The following HAL variants were observed in gnomAD, a reference collection of about 807,000 sequenced individuals.
The protein encoded by HAL is histidine ammonia-lyase.
Under a neutral mutation model 81.1 loss-of-function variants are expected in HAL, and 85 were observed. The ratio of observed to expected loss-of-function variants is 1.05; its 90% CI spans 0.88 to 1.25. The LOEUF (loss-of-function observed/expected upper bound fraction) is 1.25, where lower values mean the gene tolerates loss of function less well. Among genes scored for constraint, HAL ranks in the 50% most tolerant of loss-of-function variants. The probability of loss-of-function intolerance (pLI) is 0.00; values close to 1 mark genes in which losing one functional copy is unlikely to be tolerated. For synonymous variants in HAL, 301 were observed against 309.2 expected (o/e 0.97, Z 0.28); for missense variants, 798 against 836.6 (o/e 0.95, Z 0.57).
chr12:95,992,815 A>G lies in HAL; in HGVS notation c.590-10T>C, dbSNP rs1428040420. 2.5e-6 allele frequency: 4 copies of G among 1,612,060 alleles called. No homozygotes were observed. The highest frequency in any genetic ancestry group is 3.4e-6 in the Non-Finnish European group (4 of 1,178,438). ...AGTGGTTTCCCAACACCTGCAAAAC[A>G]GAATTGATGTTTTCTCCAAGAAAAG... On this transcript the variant is annotated splice_polypyrimidine_tract_variant and intron_variant, in intron 8 of 20. Transcript: ENST00000261208.
intron 10 of HAL, among the ~76,000 whole-genome samples, chr12:95,989,396 G>C (rs1051796885): frequency 6.6e-6 from 1 of 152,304 alleles, no homozygotes; most frequent in South Asian, 2.1e-4. Flanking sequence ...TGCCCAGGCT[G>C]GTCTTGAACT....
intron 20 of HAL, 121 bp from the exon 21 acceptor site, chr12:95,974,493 T>G: frequency 1.1e-6 from 1 of 874,594 alleles, no homozygotes; most frequent in Admixed American, 1.8e-5. Flanking sequence ...AGCTGCTGTT[T>G]GCTTGCTTTT....
chr12:95,984,511 A>G (rs1429192808), intron 14 of HAL, among the ~76,000 whole-genome samples: 1 of 152,258 alleles, frequency 6.6e-6, no homozygotes, highest in Non-Finnish European at 1.5e-5. Context: ...ATGCTCACAC[A>G]TAAGGCAGCT....
Position 95,986,267 on chromosome 12 carries a change from T to C in HAL, c.1052-107A>G. 1.2e-5 allele frequency: 9 copies of C among 734,872 alleles called. No individual in the cohort carries two copies. In the South Asian group the frequency reaches 1.3e-4, roughly 11 times the overall value. 45.5% of individuals were successfully genotyped at this position (734,872 alleles called of 1,614,324 possible). On this transcript the variant is annotated intron_variant, in intron 12 of 20. Coordinates refer to ENST00000261208, the MANE Select transcript of HAL (RefSeq NM_002108.4). ...AGGCTGGTTTCAAACTCCTGGGCTCTAGCGATCCTCCTACCTTGGCCTCCC... is the reference window on the plus strand; with the variant it reads ...AGGCTGGTTTCAAACTCCTGGGCTCCAGCGATCCTCCTACCTTGGCCTCCC...
intron 15 of HAL, among the ~76,000 whole-genome samples, chr12:95,982,675 G>A (rs2080808244): frequency 6.6e-6 from 1 of 152,168 alleles, no homozygotes. Context: ...TCTGAAGTAA[G>A]CTTGTCAAAA....
At chr12:95,995,530 A>G in intron 2 of HAL, 134 bp downstream of exon 2, 1 of 1,180,114 alleles carries the variant, frequency 8.5e-7, no homozygotes. Flanking sequence ...GAGGCGTGGC[A>G]TGTGCCTGCA....
At chr12:95,980,025 A>G (rs557088334) in intron 17 of HAL, among the ~76,000 whole-genome samples, 1 of 152,328 alleles carries the variant, frequency 6.6e-6, no homozygotes, top group South Asian at 2.1e-4. Context: ...GTCAGAAATA[A>G]ACTATATTGA....
rs749348506 is a variant in HAL at position 95,988,215 on chromosome 12, G to A, written c.881C>T (p.Pro294Leu). The change falls in exon 11 of 21, where the codon CCA becomes CTA. Residue 294 changes from proline (P) to leucine (L), a missense_variant. Transcript: ENST00000261208. ...KYVLEAHGLK[P>L]VILKPKEGLA... The stretch of plus-strand genomic sequence containing the variant: ...TACCTCTTTTGGTTTTAAAATAACT[G>A]GTTTCAATCCATGGGCTTCTAGCAC... The A allele has an allele frequency of 4.6e-6, 7 of 1,519,800 alleles. No homozygotes were observed. Among genetic ancestry groups the A allele is most frequent in the South Asian group, 4.5e-5 (4 of 89,092 alleles). The allele number at this position is 1,519,800 out of a possible 1,614,324, so 94.1% of individuals were successfully genotyped here.
chr12:95,983,227 A>G (rs985642396), intron 15 of HAL, among the ~76,000 whole-genome samples: 9 of 152,148 alleles, frequency 5.9e-5, no homozygotes, highest in African/African-American at 2.2e-4. Flanking sequence ...GTCTCTACTA[A>G]AAATACAAAT....
At chr12:95,985,188 TCTGA>T (rs1296818027) in intron 14 of HAL, among the ~76,000 whole-genome samples, 3 of 152,184 alleles carry the variant, frequency 2.0e-5, no homozygotes, top group Non-Finnish European at 4.4e-5. Context: ...TGTAAACACC[TCTGA>T]CTATCTGGTT....
chr12:95,995,443 C>T (rs1234857802), intron 2 of HAL, among the ~76,000 whole-genome samples: 1 of 152,182 alleles, frequency 6.6e-6, no homozygotes, highest in Non-Finnish European at 1.5e-5. Flanking sequence ...GTTACCTCCT[C>T]TCTGATTTCT....
intron 15 of HAL, among the ~76,000 whole-genome samples, chr12:95,982,151 A>G (rs2080802289): frequency 6.6e-6 from 1 of 152,222 alleles, no homozygotes; most frequent in African/African-American, 2.4e-5. Context: ...TATTAGATTA[A>G]AACAATTAGA....
At chr12:95,989,380 C>T (rs1318654973) in intron 10 of HAL, among the ~76,000 whole-genome samples, 1 of 152,234 alleles carries the variant, frequency 6.6e-6, no homozygotes, top group East Asian at 1.9e-4. Context: ...CGGAGCCTCG[C>T]TTTCTTGCCC....
In HAL at chr12:95,980,802, G is replaced by T; in HGVS notation, c.1349C>A (p.Ala450Asp). 6.3e-7 allele frequency: 1 copy of T among 1,593,830 alleles called. No individual in the cohort carries two copies. Among genetic ancestry groups the T allele is most frequent in the Non-Finnish European group, 8.6e-7 (1 of 1,161,710 alleles). The change falls in exon 16 of 21, where the codon GCC becomes GAC. Residue 450 changes from alanine (A) to aspartate (D), a missense_variant. Physicochemically the swap from Ala to Asp is moderately radical, Grantham distance 126. Transcript: ENST00000261208. The stretch of plus-strand genomic sequence containing the variant: ...GAGCAGTTTTAAAAAGCTTACTTTG[G>T]CTGGGTATTCACCATGGAAGTTTCC... ...SGGNFHGEYP[A>D]KALDYLAIGI...
chr12:95,975,972 C>T (rs78676932), intron 20 of HAL: 2,786 of 267,484 alleles, frequency 0.01, 76 homozygotes, highest in African/African-American at 0.057. Flanking sequence ...CCGCATCTCA[C>T]CAGAGCACTA....
At chr12:95,991,274 C>G (rs1949967207) in intron 9 of HAL, among the ~76,000 whole-genome samples, 1 of 151,718 alleles carries the variant, frequency 6.6e-6, no homozygotes, top group African/African-American at 2.4e-5. Flanking sequence ...TTTTGTTTTA[C>G]AGTTCATTGT....
At chr12:95,974,653 A>C (rs559946673) in intron 20 of HAL, among the ~76,000 whole-genome samples, 24 of 152,348 alleles carry the variant, frequency 1.6e-4, no homozygotes, top group Middle Eastern at 6.8e-3. Flanking sequence ...CAAATAACAA[A>C]ACCCAGAGAA....
chr12:95,989,136 A>C (rs976887847), intron 10 of HAL, among the ~76,000 whole-genome samples: 5 of 152,156 alleles, frequency 3.3e-5, no homozygotes, highest in African/African-American at 1.2e-4. Flanking sequence ...GGAACTCGAG[A>C]GGTAGGAAGT....
intron 20 of HAL, chr12:95,976,041 C>T (rs952955527): frequency 2.8e-5 from 10 of 351,208 alleles, no homozygotes; most frequent in Admixed American, 7.9e-5. Flanking sequence ...TCCAGGTCTA[C>T]GCAGCCATTG....
Sources: gnomAD v4.1 joint callset for allele counts (sites outside exome capture counted in the v4.1 genomes callset) on GRCh38, gnomAD v4.1.1 for gene constraint, MANE v1.5 for transcripts, NCBI Gene and HGNC (gene_info 2026-07-23, HGNC 2026-07-21) for gene names.